The following AOAH variants were observed in gnomAD, a reference collection of about 807,000 sequenced individuals.
AOAH encodes the protein acyloxyacyl hydrolase (neutrophil).
Under a neutral mutation model 92.2 loss-of-function variants are expected in AOAH, and 64 were observed. That is an observed-to-expected ratio of 0.69 (90% confidence interval 0.57 to 0.86). AOAH has a LOEUF of 0.86. Ranked by LOEUF, AOAH falls within the 40% of genes least tolerant of loss-of-function variation. The pLI, the probability that AOAH is intolerant of heterozygous loss-of-function variation, is 0.00. For synonymous variants in AOAH, 263 were observed against 254.5 expected (o/e 1.03, Z -0.32); for missense variants, 656 against 694.6 (o/e 0.94, Z 0.62).
intron 3 of AOAH, among the ~76,000 whole-genome samples, 196 bp from the exon 4 acceptor site, chr7:36,659,461 A>C (rs563770213): frequency 4.2e-4 from 64 of 152,218 alleles, no homozygotes; most frequent in East Asian, 7.7e-4. Flanking sequence ...TCCTGCATTT[A>C]GAATGAGGTC....
chr7:36,666,144 T>A (rs1795518766), intron 3 of AOAH, among the ~76,000 whole-genome samples: 2 of 152,132 alleles, frequency 1.3e-5, no homozygotes, highest in African/African-American at 4.8e-5. Flanking sequence ...TCCCAAATAT[T>A]TGGTAGAATC....
At chr7:36,610,365 C>CGT (rs1562618774) in intron 11 of AOAH, among the ~76,000 whole-genome samples, 1 of 151,568 alleles carries the variant, frequency 6.6e-6, no homozygotes, top group East Asian at 1.9e-4. Context: ...AACAGCATGA[C>CGT]GTGTGTATAT....
intron 13 of AOAH, among the ~76,000 whole-genome samples, chr7:36,569,898 C>A (rs566278033): frequency 4.3e-4 from 66 of 152,288 alleles, no homozygotes; most frequent in African/African-American, 1.3e-3. Context: ...TAGGCGTGAA[C>A]CACCGCGCCC....
chr7:36,602,751 T>G (rs115027811), intron 11 of AOAH, among the ~76,000 whole-genome samples: 2,237 of 152,278 alleles, frequency 0.015, 47 homozygotes, highest in African/African-American at 0.052. Flanking sequence ...TTTTCTTTTT[T>G]GGGGGTAATA....
chr7:36,588,575 T>A (rs1274628234), intron 12 of AOAH, among the ~76,000 whole-genome samples: 1 of 152,270 alleles, frequency 6.6e-6, no homozygotes, highest in Non-Finnish European at 1.5e-5. Flanking sequence ...GTTTAGTACT[T>A]ACATGTCCTT....
intron 13 of AOAH, 48 bp downstream of exon 13, chr7:36,576,526 C>A: frequency 9.0e-7 from 1 of 1,105,350 alleles, no homozygotes. Flanking sequence ...GAAATAAACT[C>A]AATCATTACA....
At chr7:36,608,104 C>T (rs1421770920) in intron 11 of AOAH, among the ~76,000 whole-genome samples, 1 of 152,224 alleles carries the variant, frequency 6.6e-6, no homozygotes, top group Non-Finnish European at 1.5e-5. Context: ...TGTCCTTGTC[C>T]AGGGCCCACG....
intron 13 of AOAH, among the ~76,000 whole-genome samples, chr7:36,550,725 G>A (rs574782153): frequency 6.6e-5 from 10 of 152,314 alleles, no homozygotes; most frequent in South Asian, 4.1e-4. Flanking sequence ...GGTGCAACTC[G>A]GTGGACCGAG....
intron 15 of AOAH, among the ~76,000 whole-genome samples, chr7:36,545,590 C>T (rs1698167857): frequency 6.6e-6 from 1 of 152,164 alleles, no homozygotes; most frequent in Non-Finnish European, 1.5e-5. Context: ...CAGATGGGCA[C>T]AGACACCCTG....
chr7:36,540,279 T>C (rs186405826), intron 16 of AOAH, 40 bp downstream of exon 16: 22 of 1,533,630 alleles, frequency 1.4e-5, no homozygotes, highest in East Asian at 1.4e-4. Flanking sequence ...TGTATATACA[T>C]TGATGTTATT....
intron 13 of AOAH, among the ~76,000 whole-genome samples, chr7:36,553,822 C>T (rs529296614): frequency 4.6e-5 from 7 of 151,868 alleles, no homozygotes; most frequent in Non-Finnish European, 8.8e-5. Flanking sequence ...CCCACTTTTT[C>T]ATGGGGTTGT....
At chr7:36,582,291 C>T (rs551375097) in intron 12 of AOAH, among the ~76,000 whole-genome samples, 11 of 152,262 alleles carry the variant, frequency 7.2e-5, no homozygotes, top group Middle Eastern at 3.4e-3. Flanking sequence ...ATGCACAAGA[C>T]GGGTACTTAA....
intron 4 of AOAH, among the ~76,000 whole-genome samples, chr7:36,650,142 A>G (rs1367200372): frequency 2.0e-5 from 3 of 150,956 alleles, no homozygotes; most frequent in African/African-American, 7.3e-5. Flanking sequence ...GAAGCGGCCC[A>G]CCACCGTCTT....
chr7:36,657,886 G>A (rs1239139420), intron 4 of AOAH, among the ~76,000 whole-genome samples: 1 of 152,176 alleles, frequency 6.6e-6, no homozygotes, highest in African/African-American at 2.4e-5. Flanking sequence ...TTGCGACTAT[G>A]TGTAGCTGTG....
intron 4 of AOAH, among the ~76,000 whole-genome samples, chr7:36,638,710 T>C (rs1793689513): frequency 6.6e-6 from 1 of 152,214 alleles, no homozygotes; most frequent in Non-Finnish European, 1.5e-5. Context: ...CTGGGCCTGC[T>C]ACCTGTACAG....
At chr7:36,708,829 A>C (rs998892689) in intron 1 of AOAH, among the ~76,000 whole-genome samples, 6 of 152,262 alleles carry the variant, frequency 3.9e-5, no homozygotes, top group Admixed American at 2.0e-4. Context: ...CATAGCTTAG[A>C]GTCATCGAGC....
intron 20 of AOAH, chr7:36,514,516 T>A (rs1338749338): frequency 6.5e-7 from 1 of 1,535,928 alleles, no homozygotes; most frequent in Non-Finnish European, 8.7e-7. Context: ...TTATCCATGA[T>A]GTTAGCTGGG....
chr7:36,514,006 T>C (rs963438008), intron 20 of AOAH, among the ~76,000 whole-genome samples: 2 of 152,200 alleles, frequency 1.3e-5, no homozygotes, highest in African/African-American at 4.8e-5. Context: ...ACAGCTAGCA[T>C]TTACTGCAGG....
intron 16 of AOAH, among the ~76,000 whole-genome samples, chr7:36,538,349 A>G (rs921532617): frequency 2.7e-5 from 4 of 150,306 alleles, no homozygotes; most frequent in South Asian, 4.2e-4. Context: ...TCTTACATAC[A>G]TTTTTCCTTC....
Sources: gnomAD v4.1 joint callset for allele counts (sites outside exome capture counted in the v4.1 genomes callset) on GRCh38, gnomAD v4.1.1 for gene constraint, MANE v1.5 for transcripts, NCBI Gene and HGNC (gene_info 2026-07-23, HGNC 2026-07-21) for gene names.